The following TSPAN9 variants were observed in gnomAD, a reference collection of about 807,000 sequenced individuals.
TSPAN9 encodes the protein tetraspanin 9, also known as tetraspanin-9.
TSPAN9 carries 16 observed loss-of-function variants against 31.0 expected under a neutral mutation model. That is an observed-to-expected ratio of 0.52 (90% CI 0.35 to 0.78). The LOEUF (loss-of-function observed/expected upper bound fraction) is 0.78, where lower values mean the gene tolerates loss of function less well. TSPAN9 is among the 30% of genes least tolerant of loss of function. The pLI is 0.01. For synonymous variants in TSPAN9, 145 were observed against 121.6 expected, an observed-to-expected ratio of 1.19 and a Z score of -1.27; for missense variants, 272 against 312.5, an observed-to-expected ratio of 0.87 and a Z score of 0.98.
chr12:3,131,783 A>G (rs767287002), intron 2 of TSPAN9, among the ~76,000 whole-genome samples: 1 of 152,220 alleles, frequency 6.6e-6, no homozygotes, highest in Non-Finnish European at 1.5e-5. Context: ...GGTAAAATAC[A>G]TACAAAATAT....
intron 2 of TSPAN9, among the ~76,000 whole-genome samples, chr12:3,148,454 A>C (rs1293909091): frequency 1.3e-5 from 2 of 152,156 alleles, no homozygotes; most frequent in Non-Finnish European, 1.5e-5. Flanking sequence ...TGGGTTCAGG[A>C]TGCTGGGGTT....
At chr12:3,102,698 A>G (rs1485463862) in intron 2 of TSPAN9, among the ~76,000 whole-genome samples, 1 of 152,138 alleles carries the variant, frequency 6.6e-6, no homozygotes, top group Non-Finnish European at 1.5e-5. Context: ...CGGCCTTCCA[A>G]AGTGCTGGGA....
intron 3 of TSPAN9, among the ~76,000 whole-genome samples, chr12:3,254,191 G>A (rs1484676132): frequency 6.6e-6 from 1 of 152,270 alleles, no homozygotes; most frequent in Non-Finnish European, 1.5e-5. Context: ...CACAGGCTGG[G>A]CAGGGGCCCA....
At chr12:3,079,456 A>G (rs1165318320) in intron 1 of TSPAN9, among the ~76,000 whole-genome samples, 1 of 151,386 alleles carries the variant, frequency 6.6e-6, no homozygotes, top group Non-Finnish European at 1.5e-5. Flanking sequence ...CCCTTCTTCT[A>G]TTTTATTTAT....
chr12:3,090,239 T>C (rs569799168), intron 2 of TSPAN9, among the ~76,000 whole-genome samples: 47 of 152,334 alleles, frequency 3.1e-4, no homozygotes, highest in African/African-American at 9.6e-4. Context: ...GCAGACTTGC[T>C]GAATGGATTT....
At chr12:3,155,621 C>T (rs563867738) in intron 2 of TSPAN9, among the ~76,000 whole-genome samples, 17 of 151,440 alleles carry the variant, frequency 1.1e-4, no homozygotes, top group African/African-American at 1.9e-4. Flanking sequence ...AAAGAGGGAG[C>T]GAGAGCAAGA....
chr12:3,194,744 A>G (rs59128562), intron 2 of TSPAN9, among the ~76,000 whole-genome samples: 4,839 of 152,234 alleles, frequency 0.032, 279 homozygotes, highest in African/African-American at 0.11. Context: ...AAAACAAGTA[A>G]CAGTACCATT....
intron 3 of TSPAN9, among the ~76,000 whole-genome samples, chr12:3,202,376 G>A (rs956527174): frequency 6.6e-6 from 1 of 152,320 alleles, no homozygotes; most frequent in East Asian, 1.9e-4. Context: ...CAGTTGTGCC[G>A]AAGAGGCATT....
At chr12:3,262,715 A>G (rs1862473602) in intron 3 of TSPAN9, among the ~76,000 whole-genome samples, 1 of 151,366 alleles carries the variant, frequency 6.6e-6, no homozygotes, top group Non-Finnish European at 1.5e-5. Flanking sequence ...GGCCGCGCAC[A>G]GCTCCGCTCG....
intron 2 of TSPAN9, among the ~76,000 whole-genome samples, chr12:3,119,403 G>A (rs575274436): frequency 1.3e-5 from 2 of 152,336 alleles, no homozygotes; most frequent in Admixed American, 6.5e-5. Context: ...TCCAAAGTCC[G>A]TGTTCTTTCC....
At chr12:3,118,054 G>C (rs2098323221) in intron 2 of TSPAN9, among the ~76,000 whole-genome samples, 1 of 143,308 alleles carries the variant, frequency 7.0e-6, no homozygotes, top group Non-Finnish European at 1.5e-5. Flanking sequence ...ATGTGACATG[G>C]GAAGCTATTT....
intron 2 of TSPAN9, among the ~76,000 whole-genome samples, chr12:3,191,259 G>C (rs1281974468): frequency 3.4e-5 from 5 of 147,654 alleles, no homozygotes; most frequent in Non-Finnish European, 7.6e-5. Flanking sequence ...CTGGCATCCA[G>C]GGTCATCTGT....
intron 2 of TSPAN9, among the ~76,000 whole-genome samples, chr12:3,153,925 A>G (rs1351280818): frequency 1.4e-5 from 2 of 140,804 alleles, no homozygotes; most frequent in African/African-American, 2.7e-5. Flanking sequence ...CCCCTTTCCT[A>G]CTGTTGAATG....
At chr12:3,177,223 C>T (rs1250897695) in intron 2 of TSPAN9, among the ~76,000 whole-genome samples, 8 of 151,838 alleles carry the variant, frequency 5.3e-5, no homozygotes, top group Admixed American at 5.2e-4. Context: ...CTGCCAGCTC[C>T]ACCTCCTGGG....
intron 3 of TSPAN9, among the ~76,000 whole-genome samples, chr12:3,263,410 A>G (rs1862485232): frequency 6.6e-6 from 1 of 152,178 alleles, no homozygotes; most frequent in South Asian, 2.1e-4. Flanking sequence ...TCATAAGCAT[A>G]TGCGGAGAGG....
chr12:3,097,277 G>C lies in TSPAN9; in HGVS notation c.-18+13558G>C, dbSNP rs142093754. Among the ~76,000 whole-genome samples, 790 of 152,316 alleles carry C rather than the reference G, an allele frequency of 5.2e-3. 7 individuals are homozygous for C. Among genetic ancestry groups the C allele is most frequent in the African/African-American group, 0.018 (742 of 41,554 alleles). On this transcript the variant is annotated intron_variant, in intron 2 of 8. Coordinates refer to ENST00000011898, the MANE Select transcript of TSPAN9 (RefSeq NM_006675.5). ...CACCTCAGAGCTCCCAGCAGAGTCT[G>C]TGGGCAGCTTTGGAGGAAAACATGC...
At chr12:3,181,693 G>T (rs1358337855) in intron 2 of TSPAN9, among the ~76,000 whole-genome samples, 1 of 152,170 alleles carries the variant, frequency 6.6e-6, no homozygotes. Context: ...AAGTCACATT[G>T]TCCCTAGGAG....
chr12:3,112,788 TCCTC>T (rs1285419963), intron 2 of TSPAN9, among the ~76,000 whole-genome samples: 2 of 149,698 alleles, frequency 1.3e-5, no homozygotes, highest in East Asian at 4.0e-4. Flanking sequence ...GCTCAAGTGA[TCCTC>T]CCATTTCAGA....
chr12:3,277,682 C>A lies in TSPAN9; in HGVS notation c.64-739C>A, dbSNP rs1274011273. Among the ~76,000 whole-genome samples, 3 of 152,178 alleles carry A rather than the reference C, an allele frequency of 2.0e-5. No homozygotes were observed. In the South Asian group the frequency reaches 6.2e-4, roughly 32 times the overall value. On this transcript the variant is annotated intron_variant, in intron 3 of 8. Transcript: ENST00000011898. ...GCAGCCGGTGAAATGGAAGCTTCCCCAGGTGGAGCTGGTGGCGCCGGCAGC... is the reference window on the plus strand; with the variant it reads ...GCAGCCGGTGAAATGGAAGCTTCCCAAGGTGGAGCTGGTGGCGCCGGCAGC...
Sources: gnomAD v4.1 joint callset for allele counts (sites outside exome capture counted in the v4.1 genomes callset) on GRCh38, gnomAD v4.1.1 for gene constraint, MANE v1.5 for transcripts, NCBI Gene and HGNC (gene_info 2026-07-23, HGNC 2026-07-21) for gene names.